The following DSC2 variants were observed in gnomAD, a reference collection of about 807,000 sequenced individuals.
The protein encoded by DSC2 is desmocollin-2.
A neutral mutation model predicts 87.6 loss-of-function variants in DSC2; 51 were observed. The ratio of observed to expected loss-of-function variants is 0.58; its 90% CI spans 0.46 to 0.74. The LOEUF (loss-of-function observed/expected upper bound fraction) is 0.74, where lower values mean the gene tolerates loss of function less well. Ranked by LOEUF, DSC2 falls within the 30% of genes least tolerant of loss-of-function variation. The pLI is 0.00. For synonymous variants in DSC2, 383 were observed against 393.2 expected, an observed-to-expected ratio of 0.97 and a Z score of 0.31; for missense variants, 1,066 against 1,089.5, an observed-to-expected ratio of 0.98 and a Z score of 0.30.
At position 31,101,946 on chromosome 18, in the gene DSC2, G is replaced by C. The variant is rs794728064; in HGVS notation, c.26C>G (p.Ser9Cys). 1 of 1,528,156 alleles carries C rather than the reference G, an allele frequency of 6.5e-7. No homozygotes were observed. Among genetic ancestry groups the C allele is most frequent in the African/African-American group, 1.4e-5 (1 of 71,614 alleles). The allele number at this position is 1,528,156 out of a possible 1,614,324, so 94.7% of individuals were successfully genotyped here. ...CAGCCGGCAGAGGGCTCCGTTCCAG[G>C]AGCCGGAGGGGCGGGCTGCCTCCAT... MEAARPSG[S>C]WNGALCRLLL... is the part of the protein sequence containing the mutation. Residue 9 changes from serine to cysteine, a missense_variant, in exon 1 of 16, where the codon TCC (serine) becomes TGC (cysteine). Physicochemically the swap from Ser to Cys is moderately radical, Grantham distance 112. Transcript: ENST00000280904.
At chr18:31,073,084 A>C (rs1227014547) in intron 12 of DSC2, among the ~76,000 whole-genome samples, 2 of 152,182 alleles carry the variant, frequency 1.3e-5, no homozygotes. Context: ...CTGACTTCAA[A>C]GCCTCTTTAG....
intron 12 of DSC2, 41 bp from the exon 13 acceptor site, chr18:31,071,882 C>T: frequency 6.6e-7 from 1 of 1,514,666 alleles, no homozygotes; most frequent in Non-Finnish European, 9.1e-7. Flanking sequence ...TATACAATGT[C>T]ACTGATTTCT....
In DSC2 at chr18:31,063,560, T is replaced by G. The variant is rs114788776; in HGVS notation, c.*4455A>C. ...AAGAAAGAGACAATGAGTAAAGACA[T>G]TGTAAAAAGAGAACTAATCATGAGC... On this transcript the variant is annotated 3_prime_UTR_variant, in exon 16 of 16. Transcript: ENST00000280904. 6.6e-6 allele frequency: 1 copy of G among 151,848 alleles called. No homozygotes were observed. Among genetic ancestry groups the G allele is most frequent in the Non-Finnish European group, 1.5e-5 (1 of 67,996 alleles). The allele number at this position is 151,848 out of a possible 1,614,324, so 9.4% of individuals were successfully genotyped here. A position where few individuals can be genotyped will look rare whatever the true frequency, so the allele number is the denominator to read the frequency against.
intron 4 of DSC2, 107 bp from the exon 5 acceptor site, chr18:31,089,701 CTTAATTTA>C: frequency 9.4e-7 from 1 of 1,064,622 alleles, no homozygotes; most frequent in Non-Finnish European, 1.4e-6. Context: ...AATAATTGCC[CTTAATTTA>C]TTATTATATA....
Position 31,085,499 on chromosome 18 carries a change from C to A in DSC2, c.942+1077G>T, listed in dbSNP as rs1268717413. ...TAAATTAATATATAATTTAAACTTTCCTTAGTTTTAAACATTAACAAGTAA... is the reference window on the plus strand; with the variant it reads ...TAAATTAATATATAATTTAAACTTTACTTAGTTTTAAACATTAACAAGTAA... On this transcript the variant is annotated intron_variant, in intron 7 of 15. Coordinates refer to ENST00000280904, the MANE Select transcript of DSC2 (RefSeq NM_024422.6). 3.3e-5 allele frequency among the ~76,000 whole-genome samples: 5 copies of A among 150,898 alleles called. No individual in the cohort carries two copies. In the East Asian group the frequency reaches 9.7e-4, roughly 29 times the overall value.
intron 3 of DSC2, chr18:31,091,510 G>A (rs938965627): frequency 3.7e-5 from 17 of 463,774 alleles, no homozygotes; most frequent in African/African-American, 2.6e-4. Flanking sequence ...TCTAAATTTA[G>A]CACAAGCAAC....
intron 4 of DSC2, among the ~76,000 whole-genome samples, chr18:31,090,258 C>T (rs1282814681): frequency 6.6e-6 from 1 of 152,150 alleles, no homozygotes. Flanking sequence ...CTTTAATATG[C>T]TCTTCTCTCA....
At chr18:31,086,867 T>C in intron 6 of DSC2, 125 bp from the exon 7 acceptor site, 1 of 1,033,818 alleles carries the variant, frequency 9.7e-7, no homozygotes, top group Non-Finnish European at 1.4e-6. Context: ...AAGTCATGGC[T>C]TTTATAAATT....
In DSC2 at chr18:31,083,075, A is replaced by T. The variant is rs762222883; in HGVS notation, c.943-15T>A. The T allele has an allele frequency of 6.2e-7, 1 of 1,607,356 alleles. No individual in the cohort carries two copies. The highest frequency in any genetic ancestry group is 8.5e-7 in the Non-Finnish European group (1 of 1,176,654). ...TTGTCAATTAACTGAAAACAAAAAA[A>T]GAATTTAATTATTGGGGGAAAGCAC... On this transcript the variant is annotated splice_polypyrimidine_tract_variant and intron_variant, in intron 7 of 15. Coordinates refer to ENST00000280904, the MANE Select transcript of DSC2 (RefSeq NM_024422.6).
intron 14 of DSC2, 26 bp from the exon 15 acceptor site, chr18:31,069,177 G>C: frequency 6.2e-7 from 1 of 1,613,756 alleles, no homozygotes; most frequent in African/African-American, 1.3e-5. Flanking sequence ...TTTGCATTAG[G>C]GATAATACAG....
At chr18:31,100,804 A>G (rs2144869045) in intron 1 of DSC2, among the ~76,000 whole-genome samples, 2 of 152,284 alleles carry the variant, frequency 1.3e-5, no homozygotes, top group Middle Eastern at 6.8e-3. Context: ...TGCTTAAGAC[A>G]AGGAGCACTT....
At chr18:31,099,377 T>A (rs1246363757) in intron 1 of DSC2, among the ~76,000 whole-genome samples, 1 of 152,154 alleles carries the variant, frequency 6.6e-6, no homozygotes, top group Non-Finnish European at 1.5e-5. Flanking sequence ...ATTTGCTGTT[T>A]AATGGATATA....
At chr18:31,070,901 T>C (rs775526125) in intron 13 of DSC2, 51 bp from the exon 14 acceptor site, 1 of 1,593,898 alleles carries the variant, frequency 6.3e-7, no homozygotes, top group Non-Finnish European at 8.6e-7. Context: ...AATATGAAGT[T>C]ATAAATGTAC....
chr18:31,077,368 G>C (rs912373643), intron 11 of DSC2, among the ~76,000 whole-genome samples: 1 of 152,098 alleles, frequency 6.6e-6, no homozygotes, highest in Non-Finnish European at 1.5e-5. Context: ...GTTTCCCTTT[G>C]AGTCCACACA....
In DSC2 at chr18:31,058,985, T is replaced by C. The variant is rs971117418; in HGVS notation, c.*9030A>G. ...ACCGAACATTTACATAGAACTATGTTCTAGCAATTTTTTAAAGCAGATGAG... is the reference window on the plus strand; with the variant it reads ...ACCGAACATTTACATAGAACTATGTCCTAGCAATTTTTTAAAGCAGATGAG... On this transcript the variant is annotated 3_prime_UTR_variant, in exon 16 of 16. Coordinates refer to ENST00000280904, the MANE Select transcript of DSC2 (RefSeq NM_024422.6). The C allele has an allele frequency of 6.6e-6, 1 of 152,142 alleles. No individual in the cohort carries two copies. The highest frequency in any genetic ancestry group is 2.4e-5 in the African/African-American group (1 of 41,430). 9.4% of individuals were successfully genotyped at this position (152,142 alleles called of 1,614,324 possible). A position where few individuals can be genotyped will look rare whatever the true frequency, so the allele number is the denominator to read the frequency against.
Position 31,091,104 on chromosome 18 carries a change from G to A in DSC2, c.398C>T (p.Ala133Val), listed in dbSNP as rs777368760. The A allele has an allele frequency of 1.2e-6, 2 of 1,613,980 alleles. No individual in the cohort carries two copies. The highest frequency in any genetic ancestry group is 1.7e-6 in the Non-Finnish European group (2 of 1,179,928). ...AGGAATTGGAGCCCATCTTCTCTTG[G>A]CGCGCCTTAGAACTTTTTCTTTAGT... ...RHTKEKVLRR[A>V]KRRWAPIPCS... Residue 133 changes from alanine (A) to valine (V), a missense_variant, in exon 4 of 16, where the codon GCC becomes GTC. Transcript: ENST00000280904.
At chr18:31,097,386 C>A (rs1987796756) in intron 1 of DSC2, among the ~76,000 whole-genome samples, 1 of 150,706 alleles carries the variant, frequency 6.6e-6, no homozygotes, top group Non-Finnish European at 1.5e-5. Context: ...TTGAAGGAAA[C>A]CTGAAAACAT....
intron 1 of DSC2, among the ~76,000 whole-genome samples, chr18:31,097,959 T>C (rs1987815729): frequency 6.6e-6 from 1 of 152,212 alleles, no homozygotes; most frequent in South Asian, 2.1e-4. Context: ...TTTACTACTT[T>C]ATGGATACTG....
intron 1 of DSC2, chr18:31,101,662 T>G (rs541200607): frequency 2.0e-6 from 1 of 505,394 alleles, no homozygotes; most frequent in African/African-American, 2.0e-5. Context: ...CGCCTCTCCT[T>G]GAGTGCGCTG....
Sources: gnomAD v4.1 joint callset for allele counts (sites outside exome capture counted in the v4.1 genomes callset) on GRCh38, gnomAD v4.1.1 for gene constraint, MANE v1.5 for transcripts, NCBI Gene and HGNC (gene_info 2026-07-23, HGNC 2026-07-21) for gene names.